SLC5A4: variants seen among roughly 807,000 people sequenced by gnomAD.
SLC5A4 encodes the protein solute carrier family 5 member 4, also known as probable glucose sensor protein SLC5A4.
SLC5A4 carries 55 observed loss-of-function variants against 70.3 expected under a neutral mutation model. The observed-to-expected ratio is 0.78, with a 90% CI of 0.63 to 0.98. The LOEUF (loss-of-function observed/expected upper bound fraction) is 0.98, where lower values mean the gene tolerates loss of function less well. Among genes scored for constraint, SLC5A4 ranks in the 50% least tolerant of loss-of-function variants. SLC5A4 has a pLI of 0.00. For synonymous variants in SLC5A4, 268 were observed against 305.7 expected, an observed-to-expected ratio of 0.88 and a Z score of 1.29; for missense variants, 735 against 839.2, an observed-to-expected ratio of 0.88 and a Z score of 1.53.
At chr22:32,333,824 C>T in the SLC5A4 span, among the ~76,000 whole-genome samples, 1 of 150,942 alleles carries the variant, frequency 6.6e-6, no homozygotes, top group African/African-American at 2.4e-5. Flanking sequence ...CACACACACA[C>T]ACCACATAGA....
chr22:32,231,713 TG>T (rs1256063467), intron 9 of SLC5A4, among the ~76,000 whole-genome samples: 2 of 152,246 alleles, frequency 1.3e-5, no homozygotes, highest in Admixed American at 1.3e-4. Flanking sequence ...ATGTCTTTTT[TG>T]TAAAACTATG....
upstream of SLC5A4, among the ~76,000 whole-genome samples, chr22:32,258,086 A>G (rs1927579404): frequency 6.7e-6 from 1 of 149,770 alleles, no homozygotes; most frequent in African/African-American, 2.5e-5. Flanking sequence ...CGCAGGTTCA[A>G]GTGATTCTTC....
chr22:32,292,981 T>C, the SLC5A4 span, among the ~76,000 whole-genome samples: 3 of 152,328 alleles, frequency 2.0e-5, no homozygotes, highest in East Asian at 1.9e-4. Flanking sequence ...TTTAAGATAG[T>C]GACATTTTCT....
At chr22:32,278,153 G>T in the SLC5A4 span, among the ~76,000 whole-genome samples, 1 of 152,154 alleles carries the variant, frequency 6.6e-6, no homozygotes, top group African/African-American at 2.4e-5. Flanking sequence ...CTCTAATTTT[G>T]AACTATGACA....
the SLC5A4 span, among the ~76,000 whole-genome samples, chr22:32,305,303 C>CTTGCCTACGAGATGAGAAACAA: frequency 3.3e-5 from 5 of 150,216 alleles, no homozygotes; most frequent in South Asian, 2.1e-4. Context: ...TGACTGCTCC[C>CTTGCCTACGAGATGAGAAACAA]GGGCTTGTAG....
chr22:32,306,633 G>C, the SLC5A4 span, among the ~76,000 whole-genome samples: 12 of 152,142 alleles, frequency 7.9e-5, no homozygotes, highest in African/African-American at 2.9e-4. Context: ...GAGTTTACAG[G>C]AGAGAAAATA....
At chr22:32,323,661 G>A in the SLC5A4 span, among the ~76,000 whole-genome samples, 8 of 152,222 alleles carry the variant, frequency 5.3e-5, no homozygotes, top group African/African-American at 1.9e-4. Flanking sequence ...GAGGAGGCTT[G>A]GAGAGGAGGT....
chr22:32,323,267 C>G, the SLC5A4 span, among the ~76,000 whole-genome samples: 1 of 152,194 alleles, frequency 6.6e-6, no homozygotes, highest in Admixed American at 6.5e-5. Flanking sequence ...CCCCTGCATG[C>G]TTTTCACACC....
At chr22:32,337,107 G>GCTTT in the SLC5A4 span, among the ~76,000 whole-genome samples, 1 of 152,180 alleles carries the variant, frequency 6.6e-6, no homozygotes, top group African/African-American at 2.4e-5. Flanking sequence ...CTCCTCATCT[G>GCTTT]CTTTCTTTGC....
chr22:32,353,626 GC>G, the SLC5A4 span, among the ~76,000 whole-genome samples: 2 of 151,778 alleles, frequency 1.3e-5, no homozygotes, highest in Non-Finnish European at 2.9e-5. Flanking sequence ...CGGCAGTGTA[GC>G]CCCCAGATAG....
chr22:32,300,451 A>G, the SLC5A4 span, among the ~76,000 whole-genome samples: 2 of 151,908 alleles, frequency 1.3e-5, no homozygotes, highest in African/African-American at 4.8e-5. Context: ...CCTTTCTTTG[A>G]CTCAGAAAGG....
At chr22:32,311,469 G>A in the SLC5A4 span, among the ~76,000 whole-genome samples, 1 of 152,224 alleles carries the variant, frequency 6.6e-6, no homozygotes, top group African/African-American at 2.4e-5. Flanking sequence ...GATCATTTAG[G>A]TGATGCCATC....
At chr22:32,339,820 G>T in the SLC5A4 span, among the ~76,000 whole-genome samples, 1 of 152,200 alleles carries the variant, frequency 6.6e-6, no homozygotes, top group African/African-American at 2.4e-5. Flanking sequence ...CAGAAGCCAG[G>T]CTGAGTTTCA....
the SLC5A4 span, among the ~76,000 whole-genome samples, chr22:32,338,314 C>G: frequency 6.6e-6 from 1 of 151,442 alleles, no homozygotes; most frequent in East Asian, 1.9e-4. Context: ...AGAGGAAATA[C>G]AGTTAACAAA....
chr22:32,304,729 T>G, the SLC5A4 span, among the ~76,000 whole-genome samples: 1 of 152,258 alleles, frequency 6.6e-6, no homozygotes, highest in African/African-American at 2.4e-5. Flanking sequence ...AATGTTTAAT[T>G]TTAATGAAGT....
intron 11 of SLC5A4, among the ~76,000 whole-genome samples, chr22:32,226,261 C>G (rs1194876291): frequency 6.6e-6 from 1 of 152,230 alleles, no homozygotes; most frequent in East Asian, 1.9e-4. Flanking sequence ...GAAACAGCCT[C>G]TATCTCAGAA....
the SLC5A4 span, among the ~76,000 whole-genome samples, chr22:32,353,832 G>C: frequency 2.3e-4 from 34 of 150,050 alleles, no homozygotes; most frequent in African/African-American, 8.4e-4. Context: ...CCCCCAACCA[G>C]ACCCCTGCTG....
At chr22:32,249,922 G>T (rs887650400) in intron 3 of SLC5A4, among the ~76,000 whole-genome samples, 2 of 151,752 alleles carry the variant, frequency 1.3e-5, no homozygotes, top group Non-Finnish European at 2.9e-5. Context: ...TTTTTTTTAG[G>T]TCATCAGCTA....
At chr22:32,323,006 G>A in the SLC5A4 span, among the ~76,000 whole-genome samples, 8 of 152,180 alleles carry the variant, frequency 5.3e-5, no homozygotes, top group East Asian at 1.5e-3. Flanking sequence ...GAATGCAATT[G>A]TAACATTTAC....
Sources: allele counts gnomAD v4.1 joint callset (sites outside exome capture counted in the v4.1 genomes callset), GRCh38; gene constraint gnomAD v4.1.1; transcripts MANE v1.5; gene names NCBI Gene and HGNC (gene_info 2026-07-23, HGNC 2026-07-21).